PCNX3: variants seen among roughly 807,000 people sequenced by gnomAD.
PCNX3 encodes the protein pecanex 3.
A neutral mutation model predicts 207.2 loss-of-function variants in PCNX3; 58 were observed. The ratio of observed to expected loss-of-function variants is 0.28; its 90% confidence interval spans 0.23 to 0.35. PCNX3 has a LOEUF of 0.35. PCNX3 is among the 10% of genes least tolerant of loss of function. The probability of loss-of-function intolerance (pLI) is 1.00; values close to 1 mark genes in which losing one functional copy is unlikely to be tolerated. For synonymous variants in PCNX3, 1,337 were observed against 1,183.5 expected (o/e 1.13, Z -2.66); for missense variants, 2,410 against 2,774.4 (o/e 0.87, Z 2.95).
Position 65,636,255 on chromosome 11 carries a change from C to T in PCNX3, c.5541C>T (p.Thr1847=). The part of the protein sequence containing the change: ...DSDCSGGGGL[T]SLSNNPPVAH... Reference sequence around the variant, plus strand: ...ACTGTAGTGGGGGCGGTGGCCTGACCTCCCTCAGCAATAACCCCCCCGTGG... The same window carrying T: ...ACTGTAGTGGGGGCGGTGGCCTGACTTCCCTCAGCAATAACCCCCCCGTGG... Residue 1847 remains threonine (T), a synonymous_variant, in exon 33 of 35, where the codon ACC becomes ACT. Coordinates refer to ENST00000355703, the MANE Select transcript of PCNX3 (RefSeq NM_032223.4). 6.3e-7 allele frequency: 1 copy of T among 1,592,580 alleles called. No homozygotes were observed.
At chr11:65,621,478 A>G (rs1446697297) in intron 10 of PCNX3, among the ~76,000 whole-genome samples, 1 of 152,246 alleles carries the variant, frequency 6.6e-6, no homozygotes, top group Non-Finnish European at 1.5e-5. Context: ...AATGCGTGAA[A>G]CGCCATCTTA....
chr11:65,629,702 G>A lies in PCNX3; in HGVS notation c.4183G>A (p.Val1395Ile), dbSNP rs754856491. ...VHLIEVGNGLVTFQLRGLEFR... is the reference protein window; with the variant it reads ...VHLIEVGNGLITFQLRGLEFR... ...CCTCATCGAGGTTGGCAATGGCCTC[G>A]TCACCTTCCAGCTGCGTGGCCTTGA... is the stretch of plus-strand genomic sequence containing the variant. Residue 1395 changes from valine (V) to isoleucine (I), a missense_variant, in exon 26 of 35, where the codon GTC becomes ATC. By Grantham distance (29) the Val-to-Ile change is conservative (BLOSUM62 3). Around this residue, in one of 8 missense-constraint regions of PCNX3, gnomAD observed 420 missense variants for 705.3 expected, o/e 0.60. Coordinates refer to ENST00000355703, the MANE Select transcript of PCNX3 (RefSeq NM_032223.4). 4.5e-6 allele frequency: 7 copies of A among 1,555,250 alleles called. No homozygotes were observed. The highest frequency in any genetic ancestry group is 1.4e-5 in the African/African-American group (1 of 73,264).
Position 65,621,387 on chromosome 11 carries a change from C to T in PCNX3, c.2235+421C>T, listed in dbSNP as rs141109316. Among the ~76,000 whole-genome samples, 12 of 152,316 alleles carry T rather than the reference C, an allele frequency of 7.9e-5. No homozygotes were observed. The East Asian group carries it at 2.1e-3, about 27-fold the overall frequency. On this transcript the variant is annotated intron_variant, in intron 10 of 34. Transcript: ENST00000355703. ...CTTCCTGTCTCAGTATACTCATTACCAGCGCTCTGTCACTCTTAAGAATAT... is the reference window on the plus strand; with the variant it reads ...CTTCCTGTCTCAGTATACTCATTACTAGCGCTCTGTCACTCTTAAGAATAT...
In PCNX3 at chr11:65,624,288, C is replaced by T. The variant is rs1050082887; in HGVS notation, c.2638C>T (p.Pro880Ser). 3.1e-6 allele frequency: 5 copies of T among 1,590,660 alleles called. No homozygotes were observed. Among genetic ancestry groups the T allele is most frequent in the Non-Finnish European group, 4.3e-6 (5 of 1,168,264 alleles). The change falls in exon 14 of 35, where the codon CCC becomes TCC. Residue 880 changes from proline to serine, a missense_variant. Physicochemically the swap from Pro to Ser is moderately conservative, Grantham distance 74. Transcript: ENST00000355703. ...WLLDALGSAQ[P>S]FPPVSLYGLT... ...GCTGGACGCCCTGGGCTCAGCTCAG[C>T]CCTTCCCACCTGTCTCCCTCTACGG...
chr11:65,621,098 G>T (rs1855069756), intron 10 of PCNX3, 132 bp downstream of exon 10: 2 of 1,210,018 alleles, frequency 1.7e-6, no homozygotes, highest in Non-Finnish European at 1.1e-6. Flanking sequence ...GCGCTCCAGG[G>T]GCCCTACTGT....
chr11:65,626,813 G>T, intron 20 of PCNX3, 91 bp from the exon 21 acceptor site: 1 of 1,536,034 alleles, frequency 6.5e-7, no homozygotes. Flanking sequence ...CGAGGAGTCA[G>T]GACCGCACAG....
intron 22 of PCNX3, among the ~76,000 whole-genome samples, chr11:65,628,125 C>T (rs751587472): frequency 3.3e-5 from 5 of 152,202 alleles, no homozygotes; most frequent in African/African-American, 4.8e-5. Context: ...TTCTTCCTCA[C>T]GTGGGCATTC....
rs1462163601 is a variant in PCNX3 at position 65,636,811 on chromosome 11, G to C, written c.5938G>C (p.Asp1980His). The change falls in exon 35 of 35, where the codon GAT becomes CAT. Residue 1980 changes from aspartate to histidine, a missense_variant. Coordinates refer to ENST00000355703, the MANE Select transcript of PCNX3 (RefSeq NM_032223.4). ...CAGCCTCAGCCTCAGCCTCAGCCCC[G>C]ATGTCAGCACTGAGGCCTCACCCCC... ...SLSLSLSLSP[D>H]VSTEASPPRA... 4 of 1,533,960 alleles carry C rather than the reference G, an allele frequency of 2.6e-6. No individual in the cohort carries two copies. Among genetic ancestry groups the C allele is most frequent in the African/African-American group, 1.5e-5 (1 of 68,168 alleles).
intron 11 of PCNX3, among the ~76,000 whole-genome samples, chr11:65,622,696 C>T (rs1028219269): frequency 6.6e-5 from 10 of 152,112 alleles, no homozygotes; most frequent in East Asian, 5.8e-4. Flanking sequence ...CCCAGGTTCA[C>T]GCCATTCTCC....
chr11:65,624,295 C>T lies in PCNX3; in HGVS notation c.2645C>T (p.Pro882Leu). Residue 882 changes from proline to leucine, a missense_variant, in exon 14 of 35, where the codon CCA becomes CTA. By Grantham distance (98) the Pro-to-Leu change is moderately conservative (BLOSUM62 -3). Around this residue, in one of 8 missense-constraint regions of PCNX3, gnomAD observed 177 missense variants for 257.5 expected, o/e 0.69. Coordinates refer to ENST00000355703, the MANE Select transcript of PCNX3 (RefSeq NM_032223.4). ...LDALGSAQPFPPVSLYGLTLF... is the reference protein window; with the variant it reads ...LDALGSAQPFLPVSLYGLTLF... ...GCCCTGGGCTCAGCTCAGCCCTTCC[C>T]ACCTGTCTCCCTCTACGGCCTCACG... 1 of 1,586,416 alleles carries T rather than the reference C, an allele frequency of 6.3e-7. No individual in the cohort carries two copies. Among genetic ancestry groups the T allele is most frequent in the Non-Finnish European group, 8.6e-7 (1 of 1,165,842 alleles).
Position 65,627,414 on chromosome 11 carries a change from G to A in PCNX3, c.3534G>A (p.Ala1178=), listed in dbSNP as rs768105990. The change falls in exon 22 of 35, where the codon GCG becomes GCA. Residue 1178 remains alanine (A), a synonymous_variant. Transcript: ENST00000355703. ...HPDKYCFYCR[A]LLMTVAGLKL... ...TGCCCCTTGCCCACAGCTGCCGGGC[G>A]CTGCTGATGACCGTGGCTGGGCTGA... 54 of 1,609,154 alleles carry A rather than the reference G, an allele frequency of 3.4e-5. No individual in the cohort carries two copies. Among genetic ancestry groups the A allele is most frequent in the African/African-American group, 1.1e-4 (8 of 74,928 alleles).
intron 8 of PCNX3, 49 bp downstream of exon 8, chr11:65,619,981 A>AGGCGG: frequency 6.5e-7 from 1 of 1,535,546 alleles, no homozygotes; most frequent in Middle Eastern, 1.7e-4. Context: ...GCCTTCCCCC[A>AGGCGG]ACAGCCTGAG....
intron 26 of PCNX3, among the ~76,000 whole-genome samples, chr11:65,630,035 C>T (rs145983760): frequency 1.3e-5 from 2 of 152,362 alleles, no homozygotes; most frequent in African/African-American, 4.8e-5. Flanking sequence ...TCTGTGGTCT[C>T]AGGCTTGGCC....
intron 13 of PCNX3, 116 bp from the exon 14 acceptor site, chr11:65,624,079 C>T (rs2135435782): frequency 6.4e-7 from 1 of 1,568,838 alleles, no homozygotes; most frequent in Non-Finnish European, 8.6e-7. Flanking sequence ...ATCACCCCCA[C>T]CTGGCCAGGC....
At chr11:65,630,200 T>C (rs1855563567) in intron 26 of PCNX3, 151 bp from the exon 27 acceptor site, 2 of 1,197,010 alleles carry the variant, frequency 1.7e-6, no homozygotes, top group Admixed American at 5.5e-5. Flanking sequence ...AGGCGCTCTT[T>C]CGTGAATCTT....
intron 21 of PCNX3, 118 bp from the exon 22 acceptor site, chr11:65,627,287 A>G: frequency 8.2e-7 from 1 of 1,219,582 alleles, no homozygotes; most frequent in Non-Finnish European, 1.1e-6. Flanking sequence ...AGCAGGGACC[A>G]GCCCAGCAGA....
In PCNX3 at chr11:65,625,200, C is replaced by T. The variant is rs776624090; in HGVS notation, c.2949C>T (p.Val983=). 1.4e-5 allele frequency: 22 copies of T among 1,610,334 alleles called. No homozygotes were observed. The Middle Eastern group carries it at 4.9e-4, about 36-fold the overall frequency. ...KTPWPEQHVP[V]LFSVFCGLLV... ...CGTGGCCAGAGCAGCACGTCCCTGT[C>T]CTCTTCTCAGTCTTCTGTGGCCTCC... Residue 983 remains valine, a synonymous_variant, in exon 17 of 35, where the codon GTC becomes GTT. Coordinates refer to ENST00000355703, the MANE Select transcript of PCNX3 (RefSeq NM_032223.4). This position sits in a 1 kb window ranked among gnomAD's most constrained non-coding sequence, Gnocchi z 5.6.
At chr11:65,620,454 A>G (rs778563294) in intron 9 of PCNX3, 25 bp downstream of exon 9, 1 of 1,608,126 alleles carries the variant, frequency 6.2e-7, no homozygotes, top group Non-Finnish European at 8.5e-7. Context: ...CTGGCCTCCC[A>G]AGCCATTGTC....
Position 65,624,231 on chromosome 11 carries a change from T to C in PCNX3, c.2581T>C (p.Tyr861His), listed in dbSNP as rs1855261773. The change falls in exon 14 of 35, where the codon TAC (tyrosine) becomes CAC (histidine). Residue 861 changes from tyrosine to histidine, a missense_variant. By Grantham distance (83) the Tyr-to-His change is moderately conservative. Transcript: ENST00000355703. The stretch of plus-strand genomic sequence containing the variant: ...GGTGATCGCGTACAGCCGTCCTGTC[T>C]ACTTCTGCATCTGCTGTCTGCTCAT... The part of the protein sequence containing the change: ...NWVIAYSRPV[Y>H]FCICCLLIWL... The C allele has an allele frequency of 6.2e-7, 1 of 1,608,100 alleles. No homozygotes were observed. Among genetic ancestry groups the C allele is most frequent in the Non-Finnish European group, 8.5e-7 (1 of 1,177,672 alleles).
Sources: allele counts gnomAD v4.1 joint callset (sites outside exome capture counted in the v4.1 genomes callset), GRCh38; gene constraint gnomAD v4.1.1; regional missense constraint gnomAD v4.1.1; non-coding constraint Gnocchi (gnomAD v3.1); transcripts MANE v1.5; gene names NCBI Gene and HGNC (gene_info 2026-07-23, HGNC 2026-07-21).